Variants in GPC6 observed in about 807,000 individuals in gnomAD.
The protein encoded by GPC6 is glypican 6.
Under a neutral mutation model 55.2 loss-of-function variants are expected in GPC6, and 14 were observed. That is an observed-to-expected ratio of 0.25 (90% CI 0.17 to 0.40). The LOEUF (loss-of-function observed/expected upper bound fraction) is 0.40, where lower values mean the gene tolerates loss of function less well. Among genes scored for constraint, GPC6 ranks in the 10% least tolerant of loss-of-function variants. The pLI is 1.00. For missense variants in GPC6, 641 were observed against 708.5 expected (o/e 0.90, Z 1.08); for synonymous variants, 278 against 259.6 (o/e 1.07, Z -0.68).
At chr13:93,765,195 G>A (rs564940223) in intron 2 of GPC6, among the ~76,000 whole-genome samples, 1 of 47,990 alleles carries the variant, frequency 2.1e-5, no homozygotes, top group Non-Finnish European at 4.5e-5. Context: ...CATTTTTATA[G>A]ACCATAGACC....
In GPC6 at chr13:93,721,955, A is replaced by G. The variant is rs1281826377; in HGVS notation, c.320-108199A>G. 3.9e-5 allele frequency among the ~76,000 whole-genome samples: 6 copies of G among 151,954 alleles called. No individual in the cohort carries two copies. The East Asian group carries it at 1.2e-3, about 30-fold the overall frequency. ...ATATGCATTTGCTTTGAAAAATTCT[A>G]AGTAATGTTTTCAGATTTTTAATAT... On this transcript the variant is annotated intron_variant, in intron 2 of 8. Coordinates refer to ENST00000377047, the MANE Select transcript of GPC6 (RefSeq NM_005708.5).
chr13:93,949,095 C>A (rs554450185), intron 3 of GPC6, among the ~76,000 whole-genome samples: 6 of 152,258 alleles, frequency 3.9e-5, no homozygotes, highest in African/African-American at 1.4e-4. Context: ...TGTTGGGAAC[C>A]TTCTACATTT....
intron 1 of GPC6, among the ~76,000 whole-genome samples, chr13:93,306,376 A>G (rs1000660346): frequency 6.6e-6 from 1 of 152,152 alleles, no homozygotes; most frequent in African/African-American, 2.4e-5. Flanking sequence ...TCTGTCAGCC[A>G]GCATATAAAT....
intron 2 of GPC6, among the ~76,000 whole-genome samples, chr13:93,789,053 G>A (rs1470707206): frequency 1.3e-5 from 2 of 152,024 alleles, no homozygotes; most frequent in Non-Finnish European, 2.9e-5. Context: ...TGGATTGGAT[G>A]TGAGAGAAGG....
At chr13:93,421,059 A>G (rs1241452867) in intron 1 of GPC6, among the ~76,000 whole-genome samples, 6 of 152,132 alleles carry the variant, frequency 3.9e-5, no homozygotes, top group Non-Finnish European at 7.3e-5. Flanking sequence ...GCATAAAACA[A>G]CAACATTGTG....
intron 2 of GPC6, among the ~76,000 whole-genome samples, chr13:93,618,034 A>G (rs1174927399): frequency 1.3e-5 from 2 of 152,102 alleles, no homozygotes; most frequent in Admixed American, 6.6e-5. Context: ...TAATGTAGAG[A>G]ATATACATGG....
chr13:94,118,425 A>G (rs1886510375), intron 4 of GPC6, among the ~76,000 whole-genome samples: 1 of 152,134 alleles, frequency 6.6e-6, no homozygotes, highest in Non-Finnish European at 1.5e-5. Context: ...TCATTCCTTT[A>G]TAAATTACCC....
At chr13:94,291,391 G>A (rs564767912) in intron 5 of GPC6, among the ~76,000 whole-genome samples, 116 of 151,588 alleles carry the variant, frequency 7.7e-4, no homozygotes, top group Non-Finnish European at 1.5e-3. Context: ...AGGAAAGAGG[G>A]AAAGGAAGCC....
intron 3 of GPC6, among the ~76,000 whole-genome samples, chr13:93,847,092 A>AGGGATTTGTT (rs1888208121): frequency 1.3e-5 from 2 of 152,160 alleles, no homozygotes; most frequent in South Asian, 4.1e-4. Flanking sequence ...AACATAAGTA[A>AGGGATTTGTT]CATAGACACT....
intron 4 of GPC6, among the ~76,000 whole-genome samples, chr13:94,097,295 G>A (rs534202608): frequency 2.6e-5 from 4 of 152,080 alleles, no homozygotes; most frequent in Non-Finnish European, 5.9e-5. Context: ...GAGGTCAGGA[G>A]ATCGAGACCA....
chr13:93,308,951 A>G (rs886322730), intron 1 of GPC6, among the ~76,000 whole-genome samples: 1 of 152,202 alleles, frequency 6.6e-6, no homozygotes, highest in African/African-American at 2.4e-5. Flanking sequence ...GTTTGAGAGA[A>G]TGCTGGTTCA....
chr13:94,088,973 G>A lies in GPC6; in HGVS notation c.877+61079G>A, dbSNP rs78835035. Among the ~76,000 whole-genome samples the A allele has an allele frequency of 4.3e-4, 66 of 152,214 alleles. 2 individuals carry two copies. In the East Asian group the frequency reaches 0.012, roughly 27 times the overall value. ...ATTGATGAGATTATCGGGCATATTC[G>A]TTCTTGCCAGTGAAGTCAAGAACTG... is the stretch of plus-strand genomic sequence containing the variant. On this transcript the variant is annotated intron_variant, in intron 4 of 8. Coordinates refer to ENST00000377047, the MANE Select transcript of GPC6 (RefSeq NM_005708.5).
intron 2 of GPC6, among the ~76,000 whole-genome samples, chr13:93,713,154 T>C (rs1883131687): frequency 6.6e-6 from 1 of 151,612 alleles, no homozygotes; most frequent in Non-Finnish European, 1.5e-5. Context: ...AAACACATTT[T>C]ATCCAAAATA....
At chr13:93,764,597 C>CAA (rs1188996042) in intron 2 of GPC6, among the ~76,000 whole-genome samples, 5 of 151,024 alleles carry the variant, frequency 3.3e-5, no homozygotes, top group Admixed American at 6.6e-5. Context: ...CACACACACA[C>CAA]ACACACACAC....
intron 1 of GPC6, among the ~76,000 whole-genome samples, chr13:93,383,876 T>G (rs1875286104): frequency 6.6e-6 from 1 of 152,152 alleles, no homozygotes; most frequent in Non-Finnish European, 1.5e-5. Context: ...CATCATATCT[T>G]CTTCCTTTTT....
At chr13:93,381,700 A>G (rs1443397525) in intron 1 of GPC6, among the ~76,000 whole-genome samples, 1 of 152,178 alleles carries the variant, frequency 6.6e-6, no homozygotes, top group African/African-American at 2.4e-5. Flanking sequence ...AAACTGAAGT[A>G]CAGTGGATTT....
chr13:93,779,149 C>A (rs1885558740), intron 2 of GPC6, among the ~76,000 whole-genome samples: 1 of 152,144 alleles, frequency 6.6e-6, no homozygotes, highest in Non-Finnish European at 1.5e-5. Context: ...ATATCACTTT[C>A]TATGCCTATT....
At chr13:93,676,119 AAAAAAAAATATATAT>A (rs1426686341) in intron 2 of GPC6, among the ~76,000 whole-genome samples, 8 of 14,640 alleles carry the variant, frequency 5.5e-4, no homozygotes, top group African/African-American at 1.3e-3. Flanking sequence ...AAAAAAAAAA[AAAAAAAAATATATAT>A]ATATATATAT....
At chr13:93,661,404 G>T (rs1229430125) in intron 2 of GPC6, among the ~76,000 whole-genome samples, 4 of 152,016 alleles carry the variant, frequency 2.6e-5, no homozygotes, top group Non-Finnish European at 5.9e-5. Context: ...AGTACAGACA[G>T]GTATTCACCA....
Sources: allele counts gnomAD v4.1 joint callset (sites outside exome capture counted in the v4.1 genomes callset), GRCh38; gene constraint gnomAD v4.1.1; transcripts MANE v1.5; gene names NCBI Gene and HGNC (gene_info 2026-07-23, HGNC 2026-07-21).